KIAA1217: variants seen among roughly 807,000 people sequenced by gnomAD.
KIAA1217 encodes the protein sickle tail protein homolog.
In KIAA1217, 88 loss-of-function variants were observed where a neutral mutation model predicts 163.9. That is an observed-to-expected ratio of 0.54 (90% CI 0.45 to 0.64). KIAA1217 has a LOEUF of 0.64. KIAA1217 is among the 30% of genes least tolerant of loss of function. The probability of loss-of-function intolerance (pLI) is 0.00; values close to 1 mark genes in which losing one functional copy is unlikely to be tolerated. For missense variants in KIAA1217, 2,372 were observed against 2,475.0 expected (o/e 0.96, Z 0.88); for synonymous variants, 903 against 923.1 (o/e 0.98, Z 0.39).
chr10:23,964,196 C>A (rs1037286371), intron 1 of KIAA1217, among the ~76,000 whole-genome samples: 1 of 151,998 alleles, frequency 6.6e-6, no homozygotes, highest in South Asian at 2.1e-4. Flanking sequence ...GCCACTGTGC[C>A]TGGCCGATGA....
chr10:24,346,196 G>GCTCA (rs1269125786), intron 2 of KIAA1217, among the ~76,000 whole-genome samples: 2 of 152,150 alleles, frequency 1.3e-5, no homozygotes, highest in Non-Finnish European at 2.9e-5. Context: ...GGGCACCGTG[G>GCTCA]CTCACACCTG....
At chr10:24,331,286 T>A (rs1278778566) in intron 2 of KIAA1217, among the ~76,000 whole-genome samples, 1 of 152,170 alleles carries the variant, frequency 6.6e-6, no homozygotes, top group Non-Finnish European at 1.5e-5. Flanking sequence ...TCAACTAGAC[T>A]GATTGCCCTC....
intron 2 of KIAA1217, among the ~76,000 whole-genome samples, chr10:24,023,879 G>T (rs1194777372): frequency 6.6e-6 from 1 of 151,514 alleles, no homozygotes. Flanking sequence ...CATTCCATGC[G>T]ATCCTATTTA....
At chr10:24,285,921 G>T (rs1229922004) in intron 2 of KIAA1217, among the ~76,000 whole-genome samples, 1 of 151,914 alleles carries the variant, frequency 6.6e-6, no homozygotes, top group East Asian at 1.9e-4. Context: ...CACCTCTTTG[G>T]TTAGATATAT....
intron 1 of KIAA1217, among the ~76,000 whole-genome samples, chr10:23,798,918 AAAC>A (rs2130951721): frequency 6.6e-6 from 1 of 152,334 alleles, no homozygotes; most frequent in East Asian, 1.9e-4. Flanking sequence ...AGAGTGTCTC[AAAC>A]AACAACAAAA....
At position 23,950,785 on chromosome 10, in the gene KIAA1217, T is replaced by C. The variant is rs550198398; in HGVS notation, c.-320-56440T>C. Among the ~76,000 whole-genome samples the C allele has an allele frequency of 2.2e-4, 33 of 152,242 alleles. 1 individual carries two copies. In the South Asian group the frequency reaches 4.2e-3, roughly 19 times the overall value. On this transcript the variant is annotated intron_variant, in intron 1 of 18. Coordinates refer to the KIAA1217 transcript ENST00000376462. ...AAAAACTGTATATTTTACTTACTTG[T>C]TTATTGTCTGTTTCTCTCTAGTAGA...
At chr10:24,400,041 A>C (rs1390003005) in intron 3 of KIAA1217, among the ~76,000 whole-genome samples, 1 of 152,226 alleles carries the variant, frequency 6.6e-6, no homozygotes, top group African/African-American at 2.4e-5. Flanking sequence ...GAACAGATAG[A>C]TGGACTAATC....
At chr10:23,925,179 G>A (rs1842976178) in intron 1 of KIAA1217, among the ~76,000 whole-genome samples, 1 of 151,944 alleles carries the variant, frequency 6.6e-6, no homozygotes, top group South Asian at 2.1e-4. Flanking sequence ...GAAGGAGGAG[G>A]AAAAACAGCA....
chr10:23,901,630 TA>T (rs1405199784), intron 1 of KIAA1217, among the ~76,000 whole-genome samples: 3 of 152,102 alleles, frequency 2.0e-5, no homozygotes, highest in Non-Finnish European at 4.4e-5. Flanking sequence ...AATATTTGGC[TA>T]GGCATGGCGG....
At chr10:24,209,121 G>T (rs1343995304), upstream of KIAA1217, 4 of 1,392,840 alleles carry the variant, frequency 2.9e-6, no homozygotes, top group East Asian at 4.6e-5. Context: ...CCTCCCAGGC[G>T]CTTTCTGGGA....
At chr10:24,267,409 C>T (rs2076337825) in intron 2 of KIAA1217, among the ~76,000 whole-genome samples, 1 of 152,218 alleles carries the variant, frequency 6.6e-6, no homozygotes, top group East Asian at 1.9e-4. Context: ...GTAAGGGAAC[C>T]TAGAAAAAGT....
At chr10:23,749,696 C>A (rs553385563) in intron 1 of KIAA1217, among the ~76,000 whole-genome samples, 1 of 152,226 alleles carries the variant, frequency 6.6e-6, no homozygotes, top group Non-Finnish European at 1.5e-5. Flanking sequence ...TGAGCCACCT[C>A]GCCCGGCATT....
At chr10:24,182,905 C>T (rs2066248924) in intron 2 of KIAA1217, among the ~76,000 whole-genome samples, 1 of 152,082 alleles carries the variant, frequency 6.6e-6, no homozygotes, top group African/African-American at 2.4e-5. Flanking sequence ...TTTGTTTCTC[C>T]CCACCAAAAT....
chr10:23,978,740 C>T (rs574450828), intron 1 of KIAA1217, among the ~76,000 whole-genome samples: 4 of 152,090 alleles, frequency 2.6e-5, no homozygotes, highest in Non-Finnish European at 5.9e-5. Context: ...GCTTTTAAAA[C>T]ATACACAGAA....
At chr10:24,511,917 C>G (rs2069230283) in intron 9 of KIAA1217, among the ~76,000 whole-genome samples, 1 of 152,172 alleles carries the variant, frequency 6.6e-6, no homozygotes, top group Admixed American at 6.5e-5. Context: ...TATTGTCTCA[C>G]CGAGTCTCCA....
At chr10:24,340,963 T>C (rs1367691344) in intron 2 of KIAA1217, among the ~76,000 whole-genome samples, 1 of 137,616 alleles carries the variant, frequency 7.3e-6, no homozygotes, top group Non-Finnish European at 1.7e-5. Flanking sequence ...GTCTGACACA[T>C]GTTATGCGCC....
chr10:23,872,832 A>T (rs1408356138), intron 1 of KIAA1217, among the ~76,000 whole-genome samples: 1 of 152,082 alleles, frequency 6.6e-6, no homozygotes, highest in Non-Finnish European at 1.5e-5. Flanking sequence ...ATGGAGATAT[A>T]GTTTCAATTT....
chr10:23,832,374 C>T (rs1838247693), intron 1 of KIAA1217, among the ~76,000 whole-genome samples: 1 of 152,160 alleles, frequency 6.6e-6, no homozygotes, highest in Admixed American at 6.5e-5. Flanking sequence ...CACCGCACTC[C>T]CGGAACTTCC....
intron 2 of KIAA1217, among the ~76,000 whole-genome samples, chr10:24,109,521 AG>A (rs1261381790): frequency 6.6e-6 from 1 of 152,122 alleles, no homozygotes; most frequent in Admixed American, 6.6e-5. Context: ...GGAGAAAACC[AG>A]GGGAAAAATG....
Sources: gnomAD v4.1 joint callset for allele counts (sites outside exome capture counted in the v4.1 genomes callset) on GRCh38, gnomAD v4.1.1 for gene constraint, MANE v1.5 for transcripts, NCBI Gene and HGNC (gene_info 2026-07-23, HGNC 2026-07-21) for gene names.